TRAF6: variants seen among roughly 807,000 people sequenced by gnomAD.
The protein encoded by TRAF6 is TNF receptor-associated factor 6.
TRAF6 carries 10 observed loss-of-function variants against 48.4 expected under a neutral mutation model. The observed-to-expected ratio is 0.21, with a 90% CI of 0.13 to 0.35. TRAF6 has a LOEUF of 0.35. Ranked by LOEUF, TRAF6 falls within the 10% of genes least tolerant of loss-of-function variation. TRAF6 has a pLI of 1.00. For missense variants in TRAF6, 397 were observed against 661.0 expected (o/e 0.60, Z 4.38); for synonymous variants, 186 against 219.6 (o/e 0.85, Z 1.35).
chr11:36,503,601 T>C (rs983170799), intron 1 of TRAF6, among the ~76,000 whole-genome samples: 4 of 152,126 alleles, frequency 2.6e-5, no homozygotes, highest in Non-Finnish European at 5.9e-5. Flanking sequence ...TTAGTTTTGA[T>C]ACAGTATTCC....
intron 2 of TRAF6, among the ~76,000 whole-genome samples, chr11:36,500,554 G>T (rs1180947657): frequency 6.6e-6 from 1 of 152,202 alleles, no homozygotes; most frequent in Admixed American, 6.5e-5. Context: ...GGTCTGAGCA[G>T]AGATGACATC....
At position 36,486,062 on chromosome 11, in the gene TRAF6, A is replaced by C. The variant is rs531215936; in HGVS notation, c.*3776T>G. Among the ~76,000 whole-genome samples the C allele has an allele frequency of 1.1e-4, 15 of 131,902 alleles. No homozygotes were observed. The highest frequency in any genetic ancestry group is 1.8e-4 in the Non-Finnish European group (11 of 62,774). 86.5% of individuals were successfully genotyped at this position (131,902 alleles called of 152,430 possible). A position where few individuals can be genotyped will look rare whatever the true frequency, so the allele number is the denominator to read the frequency against. On this transcript the variant is annotated 3_prime_UTR_variant, in exon 7 of 7. Coordinates refer to ENST00000526995, the MANE Select transcript of TRAF6 (RefSeq NM_004620.4). ...ATGTTTTTGTTTTGTTTTGTGAGACAGTGTTGCACTCTGTCACCCAGGCTG... is the reference window on the plus strand; with the variant it reads ...ATGTTTTTGTTTTGTTTTGTGAGACCGTGTTGCACTCTGTCACCCAGGCTG...
At position 36,488,053 on chromosome 11, in the gene TRAF6, G is replaced by A. The variant is rs1053255819; in HGVS notation, c.*1785C>T. On this transcript the variant is annotated 3_prime_UTR_variant, in exon 7 of 7. Transcript: ENST00000526995. ...AATACTACTGTTCAGTTTTTAAATG[G>A]AACTTGACAATTATTTATTCATTGT... 2.6e-5 allele frequency: 4 copies of A among 152,144 alleles called. No homozygotes were observed. Among genetic ancestry groups the A allele is most frequent in the African/African-American group, 4.8e-5 (2 of 41,430 alleles). 9.4% of individuals were successfully genotyped at this position (152,144 alleles called of 1,614,324 possible). A position where few individuals can be genotyped will look rare whatever the true frequency, so the allele number is the denominator to read the frequency against.
At chr11:36,498,216 C>T (rs1373966227) in intron 3 of TRAF6, among the ~76,000 whole-genome samples, 1 of 152,100 alleles carries the variant, frequency 6.6e-6, no homozygotes, top group African/African-American at 2.4e-5. Flanking sequence ...CTCAGGTTTA[C>T]TGCAGATAAA....
In TRAF6 at chr11:36,485,937, C is replaced by T. The variant is rs1859477109; in HGVS notation, c.*3901G>A. 6.6e-6 allele frequency among the ~76,000 whole-genome samples: 1 copy of T among 152,120 alleles called. No homozygotes were observed. Among genetic ancestry groups the T allele is most frequent in the South Asian group, 2.1e-4 (1 of 4,828 alleles). ...CTGGGAGTTTAGAAAAAGCACACTT[C>T]AAAATAAAAATATAAATGACTACTT... On this transcript the variant is annotated 3_prime_UTR_variant, in exon 7 of 7. Transcript: ENST00000526995.
At chr11:36,494,501 A>T (rs1277664365) in intron 5 of TRAF6, among the ~76,000 whole-genome samples, 2 of 152,228 alleles carry the variant, frequency 1.3e-5, no homozygotes, top group African/African-American at 4.8e-5. Flanking sequence ...ACTTCCCTGT[A>T]TGCCTCAGGG....
rs762693341 is a variant in TRAF6 at position 36,501,354 on chromosome 11, C to T, written c.162G>A (p.Gln54=). 9 of 1,614,146 alleles carry T rather than the reference C, an allele frequency of 5.6e-6. No individual in the cohort carries two copies. In the Middle Eastern group the frequency reaches 4.9e-4, roughly 89 times the overall value. ...NLSSSFMEEI[Q]GYDVEFDPPL... The stretch of plus-strand genomic sequence containing the variant: ...GTGGGTCAAACTCTACATCATATCC[C>T]TGGATCTCCTCCATAAATGAGCTGG... The change falls in exon 2 of 7, where the codon CAG becomes CAA. Residue 54 remains glutamine, a synonymous_variant. Coordinates refer to ENST00000526995, the MANE Select transcript of TRAF6 (RefSeq NM_004620.4).
intron 1 of TRAF6, among the ~76,000 whole-genome samples, chr11:36,503,184 A>G (rs935859876): frequency 2.6e-5 from 4 of 152,118 alleles, no homozygotes; most frequent in African/African-American, 9.7e-5. Context: ...ATTTTATTAC[A>G]CTAAAGTGCT....
intron 1 of TRAF6, among the ~76,000 whole-genome samples, chr11:36,502,408 C>A (rs985642418): frequency 6.6e-6 from 1 of 151,916 alleles, no homozygotes; most frequent in African/African-American, 2.4e-5. Context: ...TATTTACAGG[C>A]GAGAAGCTAA....
In TRAF6 at chr11:36,487,736, T is replaced by C. The variant is rs1859505095; in HGVS notation, c.*2102A>G. Reference sequence around the variant, plus strand: ...CAACTTTTTTTTTTAATAAAGACTCTTGAGTTAGTAGAAAAAAATAGTATC... The same window carrying C: ...CAACTTTTTTTTTTAATAAAGACTCCTGAGTTAGTAGAAAAAAATAGTATC... On this transcript the variant is annotated 3_prime_UTR_variant, in exon 7 of 7. Coordinates refer to ENST00000526995, the MANE Select transcript of TRAF6 (RefSeq NM_004620.4). The C allele has an allele frequency of 6.6e-6, 1 of 152,086 alleles. No individual in the cohort carries two copies. The highest frequency in any genetic ancestry group is 1.5e-5 in the Non-Finnish European group (1 of 68,030). 9.4% of individuals were successfully genotyped at this position (152,086 alleles called of 1,614,324 possible). A position where few individuals can be genotyped will look rare whatever the true frequency, so the allele number is the denominator to read the frequency against.
rs1229402012 is a variant in TRAF6 at position 36,486,864 on chromosome 11, G to A, written c.*2974C>T. Among the ~76,000 whole-genome samples, 9 of 152,018 alleles carry A rather than the reference G, an allele frequency of 5.9e-5. No homozygotes were observed. Among genetic ancestry groups the A allele is most frequent in the Middle Eastern group, 3.2e-3 (1 of 316 alleles). On this transcript the variant is annotated 3_prime_UTR_variant, in exon 7 of 7. Coordinates refer to ENST00000526995, the MANE Select transcript of TRAF6 (RefSeq NM_004620.4). ...AGCACTTTGGGAGGCTGAGGCGGGCGGATCATCTGAGGTCAGGAGTTCCAG... is the reference window on the plus strand; with the variant it reads ...AGCACTTTGGGAGGCTGAGGCGGGCAGATCATCTGAGGTCAGGAGTTCCAG...
chr11:36,489,784 C>T lies in TRAF6; in HGVS notation c.*54G>A. On this transcript the variant is annotated 3_prime_UTR_variant, in exon 7 of 7. Transcript: ENST00000526995. ...TGTTTGCATGTTATTGAGAACAGGG[C>T]AAGGAAAGGCACTGTTTTCTCCAGG... 3.2e-6 allele frequency: 5 copies of T among 1,540,468 alleles called. No homozygotes were observed. Among genetic ancestry groups the T allele is most frequent in the Admixed American group, 3.7e-5 (2 of 54,076 alleles).
chr11:36,492,357 C>G (rs1454502299), intron 6 of TRAF6, among the ~76,000 whole-genome samples, 194 bp downstream of exon 6: 2 of 152,188 alleles, frequency 1.3e-5, no homozygotes, highest in African/African-American at 4.8e-5. Flanking sequence ...CATGTTTTGT[C>G]AAGTCTGTCT....
intron 1 of TRAF6, among the ~76,000 whole-genome samples, chr11:36,507,225 T>C (rs368683572): frequency 0.51 from 186 of 368 alleles, 22 homozygotes; most frequent in African/African-American, 0.55. Context: ...AATGTATATA[T>C]GTATATATAC....
chr11:36,508,404 T>A (rs1390593168), intron 1 of TRAF6, among the ~76,000 whole-genome samples: 1 of 151,960 alleles, frequency 6.6e-6, no homozygotes. Context: ...AAGACTTAAA[T>A]TCACGAATTA....
At chr11:36,493,233 G>A (rs1165149115) in intron 5 of TRAF6, among the ~76,000 whole-genome samples, 1 of 152,178 alleles carries the variant, frequency 6.6e-6, no homozygotes, top group African/African-American at 2.4e-5. Flanking sequence ...TCTAAGGTAA[G>A]ATCCTTTATA....
At position 36,492,636 on chromosome 11, in the gene TRAF6, C is replaced by T. The variant is rs1213836234; in HGVS notation, c.679-8G>A. ...ATCATAATGATTAGGCATCTGAAAT[C>T]CAAAACAAAGGCTGAAAAATCTCTT... On this transcript the variant is annotated splice_polypyrimidine_tract_variant and splice_region_variant and intron_variant, in intron 5 of 6. Coordinates refer to ENST00000526995, the MANE Select transcript of TRAF6 (RefSeq NM_004620.4). 4.4e-6 allele frequency: 7 copies of T among 1,599,218 alleles called. No homozygotes were observed. In the Admixed American group the frequency reaches 5.3e-5, roughly 12 times the overall value.
chr11:36,508,207 G>A (rs1280061587), intron 1 of TRAF6, among the ~76,000 whole-genome samples: 1 of 151,906 alleles, frequency 6.6e-6, no homozygotes, highest in South Asian at 2.1e-4. Flanking sequence ...AGGAATTAAT[G>A]AAGGGATGGA....
chr11:36,508,198 G>T, intron 1 of TRAF6, among the ~76,000 whole-genome samples: 1 of 151,708 alleles, frequency 6.6e-6, no homozygotes, highest in Non-Finnish European at 1.5e-5. Flanking sequence ...GCTTTCTACA[G>T]GAATTAATGA....
Sources: allele counts gnomAD v4.1 joint callset (sites outside exome capture counted in the v4.1 genomes callset), GRCh38; gene constraint gnomAD v4.1.1; transcripts MANE v1.5; gene names NCBI Gene and HGNC (gene_info 2026-07-23, HGNC 2026-07-21).